The following PDE1A variants were observed in gnomAD, a reference collection of about 807,000 sequenced individuals.
PDE1A encodes dual specificity calcium/calmodulin-dependent 3',5'-cyclic nucleotide phosphodiesterase 1A.
In PDE1A, 35 loss-of-function variants were observed where a neutral mutation model predicts 61.7. That is an observed-to-expected ratio of 0.57 (90% CI 0.43 to 0.75). The LOEUF (loss-of-function observed/expected upper bound fraction) is 0.75, where lower values mean the gene tolerates loss of function less well. Ranked by LOEUF, PDE1A falls within the 30% of genes least tolerant of loss-of-function variation. The pLI, the probability that PDE1A is intolerant of heterozygous loss-of-function variation, is 0.00. For synonymous variants in PDE1A, 232 were observed against 213.2 expected (o/e 1.09, Z -0.77); for missense variants, 597 against 630.6 (o/e 0.95, Z 0.57).
the PDE1A span, among the ~76,000 whole-genome samples, chr2:182,635,696 C>A: frequency 7.1e-6 from 1 of 141,450 alleles, no homozygotes; most frequent in African/African-American, 2.6e-5. Context: ...CTCTCTCTCT[C>A]TCTCCACATA....
chr2:182,368,270 C>G (rs186228461), intron 1 of PDE1A, among the ~76,000 whole-genome samples: 45 of 152,146 alleles, frequency 3.0e-4, no homozygotes, highest in African/African-American at 1.0e-3. Context: ...ATATGGAGTT[C>G]ATGTTCAAAT....
intron 10 of PDE1A, among the ~76,000 whole-genome samples, chr2:182,190,241 G>A (rs2125415309): frequency 1.3e-5 from 2 of 152,246 alleles, no homozygotes; most frequent in Middle Eastern, 6.8e-3. Context: ...GTTACAAACA[G>A]GAACATTTCA....
At chr2:182,545,447 TTCTC>T in the PDE1A span, among the ~76,000 whole-genome samples, 3 of 152,262 alleles carry the variant, frequency 2.0e-5, no homozygotes, top group South Asian at 4.1e-4. Flanking sequence ...GTGTAACAAA[TTCTC>T]TCTAATAAAT....
chr2:182,291,299 C>T (rs968423908), intron 1 of PDE1A, among the ~76,000 whole-genome samples: 1 of 150,212 alleles, frequency 6.7e-6, no homozygotes, highest in South Asian at 2.1e-4. Flanking sequence ...AGAAATTTCT[C>T]ACCATATCTA....
chr2:182,374,650 T>C (rs1357864672), intron 1 of PDE1A, among the ~76,000 whole-genome samples: 1 of 151,994 alleles, frequency 6.6e-6, no homozygotes, highest in Non-Finnish European at 1.5e-5. Flanking sequence ...AGAATAAAAA[T>C]GAACATGATA....
chr2:182,565,785 A>G, the PDE1A span, among the ~76,000 whole-genome samples: 2 of 152,160 alleles, frequency 1.3e-5, no homozygotes, highest in African/African-American at 4.8e-5. Context: ...ATTTCCAGTA[A>G]AAGTTCTTCC....
At chr2:182,174,522 C>A (rs1469412242) in intron 13 of PDE1A, among the ~76,000 whole-genome samples, 1 of 151,970 alleles carries the variant, frequency 6.6e-6, no homozygotes, top group Non-Finnish European at 1.5e-5. Flanking sequence ...CTGTTTCTTG[C>A]ATTTATTTGT....
intron 13 of PDE1A, among the ~76,000 whole-genome samples, chr2:182,159,150 T>C (rs1446355481): frequency 6.6e-6 from 1 of 152,188 alleles, no homozygotes; most frequent in Non-Finnish European, 1.5e-5. Context: ...ATAAACCAAG[T>C]TTACTGGATA....
downstream of PDE1A, among the ~76,000 whole-genome samples, chr2:182,164,927 G>A (rs979119435): frequency 6.6e-6 from 1 of 151,982 alleles, no homozygotes; most frequent in East Asian, 1.9e-4. Flanking sequence ...ATTCCACACA[G>A]CATTGTTTCT....
chr2:182,363,032 A>C (rs371142390), intron 1 of PDE1A, among the ~76,000 whole-genome samples: 37 of 152,086 alleles, frequency 2.4e-4, no homozygotes, highest in Admixed American at 1.0e-3. Flanking sequence ...GGATACATAG[A>C]GGGAAATAAC....
the PDE1A span, among the ~76,000 whole-genome samples, chr2:182,688,362 G>C: frequency 6.6e-6 from 1 of 152,180 alleles, no homozygotes; most frequent in African/African-American, 2.4e-5. Context: ...GAAAAGAGTG[G>C]GGGCCAATAT....
At chr2:182,351,414 A>G (rs1698868886) in intron 1 of PDE1A, among the ~76,000 whole-genome samples, 1 of 152,226 alleles carries the variant, frequency 6.6e-6, no homozygotes, top group Non-Finnish European at 1.5e-5. Context: ...TTAGAAGATA[A>G]CTACGAAAAT....
At chr2:182,168,058 T>C (rs1285104267) in exon 14 of PDE1A, 1 of 1,289,280 alleles carries the variant, frequency 7.8e-7, no homozygotes, top group Non-Finnish European at 9.8e-7. Flanking sequence ...CGGTAGCAGT[T>C]GAGCCCGGTG....
At chr2:182,673,715 T>C in the PDE1A span, among the ~76,000 whole-genome samples, 1 of 151,900 alleles carries the variant, frequency 6.6e-6, no homozygotes, top group African/African-American at 2.4e-5. Context: ...TTAAATAGAA[T>C]TGCCTTAAAT....
intron 3 of PDE1A, among the ~76,000 whole-genome samples, chr2:182,237,661 C>T (rs1336425480): frequency 6.6e-6 from 1 of 152,074 alleles, no homozygotes; most frequent in Non-Finnish European, 1.5e-5. Context: ...GGGATAAGTG[C>T]TAGGAGGTAA....
intron 1 of PDE1A, among the ~76,000 whole-genome samples, chr2:182,371,463 T>C (rs905967287): frequency 3.3e-5 from 5 of 152,210 alleles, no homozygotes; most frequent in African/African-American, 1.2e-4. Context: ...GGGAGAAGAT[T>C]GCAACAAGCA....
At chr2:182,200,277 A>T (rs1046868573) in intron 10 of PDE1A, among the ~76,000 whole-genome samples, 1 of 152,182 alleles carries the variant, frequency 6.6e-6, no homozygotes, top group Non-Finnish European at 1.5e-5. Flanking sequence ...TATCCCCTAG[A>T]TAGTTTCAGC....
chr2:182,529,192 A>G, the PDE1A span, among the ~76,000 whole-genome samples: 1 of 152,234 alleles, frequency 6.6e-6, no homozygotes, highest in Non-Finnish European at 1.5e-5. Context: ...GAGGGAGGCT[A>G]TAACCTGCAG....
At chr2:182,695,735 G>C in the PDE1A span, among the ~76,000 whole-genome samples, 1 of 151,202 alleles carries the variant, frequency 6.6e-6, no homozygotes, top group Non-Finnish European at 1.5e-5. Context: ...CCACAACTGG[G>C]AGGAAATACT....
Sources: allele counts gnomAD v4.1 joint callset (sites outside exome capture counted in the v4.1 genomes callset), GRCh38; gene constraint gnomAD v4.1.1; transcripts MANE v1.5; gene names NCBI Gene and HGNC (gene_info 2026-07-23, HGNC 2026-07-21).